The following MACROD2 variants were observed in gnomAD, a reference collection of about 807,000 sequenced individuals.
MACROD2 encodes the protein mono-ADP ribosylhydrolase 2.
In MACROD2, 36 loss-of-function variants were observed where a neutral mutation model predicts 70.4. The observed-to-expected ratio is 0.51, with a 90% CI of 0.39 to 0.68. MACROD2 has a LOEUF of 0.68. MACROD2 is among the 30% of genes least tolerant of loss of function. MACROD2 has a pLI of 0.00. For synonymous variants in MACROD2, 172 were observed against 178.8 expected, an observed-to-expected ratio of 0.96 and a Z score of 0.30; for missense variants, 496 against 538.4, an observed-to-expected ratio of 0.92 and a Z score of 0.78.
chr20:16,026,017 G>A (rs1018693616), intron 15 of MACROD2, among the ~76,000 whole-genome samples: 4 of 152,054 alleles, frequency 2.6e-5, no homozygotes, highest in Middle Eastern at 3.4e-3. Flanking sequence ...GCTGGGCGTG[G>A]TGGTGGGTGC....
intron 6 of MACROD2, among the ~76,000 whole-genome samples, chr20:15,305,675 G>A (rs192900684): frequency 1.0e-3 from 154 of 152,112 alleles, no homozygotes; most frequent in African/African-American, 2.6e-3. Flanking sequence ...GTGTGTGTGC[G>A]CGCACACATG....
intron 5 of MACROD2, among the ~76,000 whole-genome samples, chr20:14,868,112 A>G: frequency 6.6e-6 from 1 of 151,974 alleles, no homozygotes; most frequent in East Asian, 1.9e-4. Context: ...CACTGACCTT[A>G]TACTTTATTA....
At chr20:15,770,321 T>C (rs1027312554) in intron 8 of MACROD2, among the ~76,000 whole-genome samples, 5 of 152,048 alleles carry the variant, frequency 3.3e-5, no homozygotes, top group Non-Finnish European at 7.4e-5. Flanking sequence ...TTTATAGCCT[T>C]TCTAAGTCTA....
chr20:14,497,472 T>G (rs2084867258), intron 4 of MACROD2, among the ~76,000 whole-genome samples: 1 of 151,812 alleles, frequency 6.6e-6, no homozygotes, highest in African/African-American at 2.4e-5. Flanking sequence ...GAAGAGCTAA[T>G]TCCTCACTTC....
intron 15 of MACROD2, among the ~76,000 whole-genome samples, chr20:16,027,758 G>A (rs551795644): frequency 2.6e-5 from 4 of 152,256 alleles, no homozygotes; most frequent in African/African-American, 9.6e-5. Flanking sequence ...TACAGATTTA[G>A]CTGGTTTCTG....
chr20:14,467,414 A>G (rs1043408102), intron 3 of MACROD2, among the ~76,000 whole-genome samples: 1 of 151,992 alleles, frequency 6.6e-6, no homozygotes, highest in Non-Finnish European at 1.5e-5. Flanking sequence ...GAGTGATCCG[A>G]TTTTCCAGGT....
chr20:14,926,699 A>G (rs1185580770), intron 5 of MACROD2, among the ~76,000 whole-genome samples: 1 of 152,144 alleles, frequency 6.6e-6, no homozygotes, highest in African/African-American at 2.4e-5. Context: ...GCCAACCCAG[A>G]GTGTTGAACA....
intron 5 of MACROD2, among the ~76,000 whole-genome samples, chr20:14,812,271 G>A (rs1793728838): frequency 6.6e-6 from 1 of 151,170 alleles, no homozygotes; most frequent in African/African-American, 2.4e-5. Flanking sequence ...GTTCATGTGG[G>A]GACATGGGTG....
chr20:14,044,825 C>G (rs962188069), intron 2 of MACROD2, among the ~76,000 whole-genome samples: 1 of 152,234 alleles, frequency 6.6e-6, no homozygotes, highest in African/African-American at 2.4e-5. Flanking sequence ...GTGCTGTGTG[C>G]TTGCACTCCT....
At chr20:14,028,796 A>G (rs2053212032) in intron 2 of MACROD2, among the ~76,000 whole-genome samples, 2 of 152,118 alleles carry the variant, frequency 1.3e-5, no homozygotes, top group Admixed American at 1.3e-4. Flanking sequence ...AAATGCAGAA[A>G]TCAACCGTCA....
chr20:15,181,110 C>A (rs957047009), intron 5 of MACROD2, among the ~76,000 whole-genome samples: 4 of 152,190 alleles, frequency 2.6e-5, no homozygotes, highest in African/African-American at 9.7e-5. Context: ...AGTCCTACAG[C>A]TGGCCCTGCA....
chr20:15,296,503 C>G (rs896677568), intron 6 of MACROD2, among the ~76,000 whole-genome samples: 2 of 151,962 alleles, frequency 1.3e-5, no homozygotes, highest in African/African-American at 4.8e-5. Flanking sequence ...ACATAAAGAC[C>G]AAATTTGGTT....
chr20:14,180,840 A>G lies in MACROD2; in HGVS notation c.271+95112A>G, dbSNP rs545802699. Among the ~76,000 whole-genome samples the G allele has an allele frequency of 1.9e-4, 29 of 152,246 alleles. 1 individual carries two copies. Among genetic ancestry groups the G allele is most frequent in the South Asian group, 1.0e-3 (5 of 4,822 alleles). On this transcript the variant is annotated intron_variant, in intron 3 of 17. Transcript: ENST00000684519. The stretch of plus-strand genomic sequence containing the variant: ...AGACATTGTGCAAAGAAATTACAAT[A>G]CAAATCAAGTGTCTTGTGTTTCATA...
intron 6 of MACROD2, among the ~76,000 whole-genome samples, chr20:15,271,583 G>A (rs58396332): frequency 0.03 from 4,555 of 152,302 alleles, 205 homozygotes; most frequent in African/African-American, 0.1. Context: ...GCAATTATAC[G>A]TATAATGTGC....
chr20:14,227,285 A>G (rs1417940988), intron 3 of MACROD2, among the ~76,000 whole-genome samples: 3 of 152,170 alleles, frequency 2.0e-5, no homozygotes, highest in African/African-American at 4.8e-5. Context: ...CGGAGCCAGC[A>G]GTGGCAACAG....
chr20:15,147,011 A>G lies in MACROD2; in HGVS notation c.419-82929A>G, dbSNP rs537811613. 2.4e-4 allele frequency among the ~76,000 whole-genome samples: 36 copies of G among 152,228 alleles called. 1 individual carries two copies. The South Asian group carries it at 7.3e-3, about 31-fold the overall frequency. The stretch of plus-strand genomic sequence containing the variant: ...CATTTATGGAGCAGTACTGGCCCCT[A>G]ATTTTTGAGAACAGGATAACCCTTG... On this transcript the variant is annotated intron_variant, in intron 5 of 17. Coordinates refer to ENST00000684519, the MANE Select transcript of MACROD2 (RefSeq NM_001351661.2).
At chr20:15,477,858 C>T (rs1422434321) in intron 7 of MACROD2, among the ~76,000 whole-genome samples, 3 of 152,048 alleles carry the variant, frequency 2.0e-5, no homozygotes, top group Non-Finnish European at 2.9e-5. Flanking sequence ...GCAGGAGGGT[C>T]AGAGTCAGAG....
chr20:14,898,144 A>C (rs1385899001), intron 5 of MACROD2, among the ~76,000 whole-genome samples: 2 of 152,164 alleles, frequency 1.3e-5, no homozygotes, highest in African/African-American at 4.8e-5. Flanking sequence ...ACTCTTTTTG[A>C]AAAGAGAAAA....
intron 5 of MACROD2, among the ~76,000 whole-genome samples, chr20:15,190,803 G>T (rs535251312): frequency 6.6e-6 from 1 of 152,138 alleles, no homozygotes; most frequent in Non-Finnish European, 1.5e-5. Flanking sequence ...GTTTAGAATT[G>T]GCATTTAGGG....
Sources: allele counts gnomAD v4.1 joint callset (sites outside exome capture counted in the v4.1 genomes callset), GRCh38; gene constraint gnomAD v4.1.1; transcripts MANE v1.5; gene names NCBI Gene and HGNC (gene_info 2026-07-23, HGNC 2026-07-21).